The following RASA2 variants were observed in gnomAD, a reference collection of about 807,000 sequenced individuals.
RASA2 encodes RAS p21 protein activator 2.
RASA2 carries 155 observed loss-of-function variants against 118.2 expected under a neutral mutation model. The ratio of observed to expected loss-of-function variants is 1.31; its 90% CI spans 1.15 to 1.50. The LOEUF (loss-of-function observed/expected upper bound fraction) is 1.50, where lower values mean the gene tolerates loss of function less well. RASA2 is among the 40% of genes most tolerant of loss of function. The pLI, the probability that RASA2 is intolerant of heterozygous loss-of-function variation, is 0.00. For missense variants in RASA2, 1,016 were observed against 1,009.6 expected, an observed-to-expected ratio of 1.01 and a Z score of -0.09; for synonymous variants, 353 against 349.1, an observed-to-expected ratio of 1.01 and a Z score of -0.12.
chr3:141,565,674 T>C (rs2082809078), intron 9 of RASA2, among the ~76,000 whole-genome samples: 1 of 152,190 alleles, frequency 6.6e-6, no homozygotes, highest in South Asian at 2.1e-4. Flanking sequence ...TTGCGAGGTC[T>C]CCCCAGCCGT....
intron 4 of RASA2, among the ~76,000 whole-genome samples, chr3:141,531,426 GTATA>G (rs900512744): frequency 6.6e-6 from 1 of 150,836 alleles, no homozygotes; most frequent in African/African-American, 2.4e-5. Context: ...ATATGTGTGT[GTATA>G]TATATATGCA....
Sources: allele counts gnomAD v4.1 joint callset (sites outside exome capture counted in the v4.1 genomes callset), GRCh38; gene constraint gnomAD v4.1.1; transcripts MANE v1.5; gene names NCBI Gene and HGNC (gene_info 2026-07-23, HGNC 2026-07-21).